Variants in ASIC2 observed in about 807,000 individuals in gnomAD.
ASIC2 encodes acid-sensing ion channel 2.
A neutral mutation model predicts 57.3 loss-of-function variants in ASIC2; 25 were observed. The observed-to-expected ratio is 0.44, with a 90% confidence interval of 0.32 to 0.61. ASIC2 has a LOEUF of 0.61. Ranked by LOEUF, ASIC2 falls within the 20% of genes least tolerant of loss-of-function variation. The pLI is 0.06. For synonymous variants in ASIC2, 319 were observed against 307.5 expected (o/e 1.04, Z -0.39); for missense variants, 641 against 738.1 (o/e 0.87, Z 1.52).
intron 1 of ASIC2, among the ~76,000 whole-genome samples, chr17:34,013,187 C>T (rs944668260): frequency 1.3e-5 from 2 of 152,128 alleles, no homozygotes; most frequent in Admixed American, 1.3e-4. Flanking sequence ...CCTGGGGTAA[C>T]CAGAGGGAGA....
intron 1 of ASIC2, among the ~76,000 whole-genome samples, chr17:33,128,486 A>C (rs1465905871): frequency 1.3e-5 from 2 of 152,186 alleles, no homozygotes; most frequent in African/African-American, 4.8e-5. Context: ...TTTACTGGGC[A>C]GTGTCCTTGG....
chr17:33,471,648 A>G (rs922417086), intron 1 of ASIC2, among the ~76,000 whole-genome samples: 1 of 152,154 alleles, frequency 6.6e-6, no homozygotes, highest in African/African-American at 2.4e-5. Flanking sequence ...TTATGGAAGG[A>G]GATACTGCCT....
intron 1 of ASIC2, among the ~76,000 whole-genome samples, chr17:33,383,940 A>G (rs999373702): frequency 6.6e-6 from 1 of 152,232 alleles, no homozygotes; most frequent in African/African-American, 2.4e-5. Context: ...TTGTTTACTC[A>G]GGAGTGAGTT....
At chr17:33,967,923 T>C (rs1485882504) in intron 1 of ASIC2, among the ~76,000 whole-genome samples, 1 of 152,154 alleles carries the variant, frequency 6.6e-6, no homozygotes, top group Non-Finnish European at 1.5e-5. Context: ...TTAAAGCTTT[T>C]TCAACTCGGG....
chr17:33,326,794 C>T (rs1907095505), intron 1 of ASIC2, among the ~76,000 whole-genome samples: 1 of 152,206 alleles, frequency 6.6e-6, no homozygotes, highest in African/African-American at 2.4e-5. Flanking sequence ...AAAGTCAGTC[C>T]ATTGCTGACT....
At chr17:33,774,809 A>C (rs1911216510) in intron 1 of ASIC2, among the ~76,000 whole-genome samples, 1 of 152,226 alleles carries the variant, frequency 6.6e-6, no homozygotes, top group African/African-American at 2.4e-5. Flanking sequence ...TACCATCCCT[A>C]GACTGAATAT....
intron 1 of ASIC2, among the ~76,000 whole-genome samples, chr17:33,685,392 G>A (rs1908153697): frequency 6.6e-6 from 1 of 152,112 alleles, no homozygotes; most frequent in Admixed American, 6.5e-5. Flanking sequence ...GAAGGCTTCT[G>A]TCTCCACTTC....
intron 1 of ASIC2, among the ~76,000 whole-genome samples, chr17:33,840,324 C>T (rs1337871824): frequency 2.0e-5 from 3 of 152,200 alleles, no homozygotes; most frequent in Middle Eastern, 3.4e-3. Flanking sequence ...GTCATTGAAA[C>T]GTTTCTGGGG....
At chr17:33,630,434 G>A (rs748388784) in intron 1 of ASIC2, among the ~76,000 whole-genome samples, 44 of 151,922 alleles carry the variant, frequency 2.9e-4, no homozygotes, top group Non-Finnish European at 5.9e-4. Context: ...CCCCTTTCCT[G>A]CCCCCTTTCC....
At chr17:33,579,790 A>T (rs962020152) in intron 1 of ASIC2, among the ~76,000 whole-genome samples, 2 of 152,162 alleles carry the variant, frequency 1.3e-5, no homozygotes, top group Non-Finnish European at 2.9e-5. Context: ...ACAAACTACC[A>T]CACCGTGAAA....
intron 1 of ASIC2, among the ~76,000 whole-genome samples, chr17:33,159,908 T>C (rs941217016): frequency 2.0e-5 from 3 of 152,280 alleles, no homozygotes; most frequent in Non-Finnish European, 4.4e-5. Context: ...GCCTGGCACA[T>C]AGAAAATGCT....
intron 1 of ASIC2, among the ~76,000 whole-genome samples, chr17:33,334,080 C>T (rs1238658631): frequency 2.0e-5 from 3 of 152,272 alleles, no homozygotes; most frequent in African/African-American, 7.2e-5. Context: ...AATTAGGTGT[C>T]CCAGAAGCAC....
At chr17:33,086,749 T>G (rs766499899) in intron 3 of ASIC2, among the ~76,000 whole-genome samples, 5 of 152,126 alleles carry the variant, frequency 3.3e-5, no homozygotes, top group Non-Finnish European at 7.4e-5. Flanking sequence ...ATTTACTCTT[T>G]GCTCCAGCCA....
chr17:33,467,041 A>T (rs1912889144), intron 1 of ASIC2, among the ~76,000 whole-genome samples: 1 of 152,208 alleles, frequency 6.6e-6, no homozygotes, highest in East Asian at 1.9e-4. Context: ...AGAAACTACC[A>T]TCAGAGTGAA....
chr17:33,100,306 T>G (rs1298963473), intron 2 of ASIC2: 1 of 152,442 alleles, frequency 6.6e-6, no homozygotes, highest in Non-Finnish European at 1.5e-5. Context: ...CAGATGCCCT[T>G]GCACACTCTG....
intron 1 of ASIC2, among the ~76,000 whole-genome samples, chr17:33,460,898 G>A (rs1388884669): frequency 2.6e-5 from 4 of 152,160 alleles, no homozygotes; most frequent in Non-Finnish European, 4.4e-5. Context: ...ACAACTCTAC[G>A]ATTTCCAGAA....
chr17:33,698,241 A>G (rs1225272868), intron 1 of ASIC2, among the ~76,000 whole-genome samples: 1 of 152,150 alleles, frequency 6.6e-6, no homozygotes, highest in East Asian at 1.9e-4. Flanking sequence ...GTGTGGATAC[A>G]ATTGCCAATC....
At chr17:33,633,558 C>A (rs533257224) in intron 1 of ASIC2, among the ~76,000 whole-genome samples, 1 of 152,166 alleles carries the variant, frequency 6.6e-6, no homozygotes, top group Non-Finnish European at 1.5e-5. Context: ...ATGTGCTCAC[C>A]CCTTGCATTT....
intron 3 of ASIC2, among the ~76,000 whole-genome samples, chr17:33,034,474 G>C (rs2091900464): frequency 6.6e-6 from 1 of 152,190 alleles, no homozygotes; most frequent in Non-Finnish European, 1.5e-5. Context: ...TCCAGCCTGG[G>C]TGACAGAGCA....
Sources: gnomAD v4.1 joint callset for allele counts (sites outside exome capture counted in the v4.1 genomes callset) on GRCh38, gnomAD v4.1.1 for gene constraint, MANE v1.5 for transcripts, NCBI Gene and HGNC (gene_info 2026-07-23, HGNC 2026-07-21) for gene names.